The following WDR49 variants were observed in gnomAD, a reference collection of about 807,000 sequenced individuals.
WDR49 encodes the protein WD repeat domain 49.
A neutral mutation model predicts 119.5 loss-of-function variants in WDR49; 107 were observed. The ratio of observed to expected loss-of-function variants is 0.90; its 90% CI spans 0.77 to 1.05. WDR49 has a LOEUF of 1.05. WDR49 is among the 50% of genes least tolerant of loss of function. WDR49 has a pLI of 0.00. For synonymous variants in WDR49, 425 were observed against 418.8 expected (o/e 1.01, Z -0.18); for missense variants, 1,240 against 1,220.5 (o/e 1.02, Z -0.24).
At chr3:167,599,479 G>A (rs948834243) in intron 7 of WDR49, among the ~76,000 whole-genome samples, 2 of 152,168 alleles carry the variant, frequency 1.3e-5, no homozygotes, top group Admixed American at 1.3e-4. Flanking sequence ...ACCCTTCAGG[G>A]CAGTGGGCTC....
At chr3:167,624,633 T>C (rs1477220092) in intron 3 of WDR49, among the ~76,000 whole-genome samples, 58 of 152,070 alleles carry the variant, frequency 3.8e-4, no homozygotes, top group Admixed American at 3.8e-3. Context: ...TATATTTCAA[T>C]AAACCTATTT....
At position 167,627,126 on chromosome 3, in the gene WDR49, A is replaced by G. The variant is rs1201754536; in HGVS notation, c.332T>C (p.Leu111Pro). 7.9e-7 allele frequency: 1 copy of G among 1,271,078 alleles called. No homozygotes were observed. Among genetic ancestry groups the G allele is most frequent in the South Asian group, 3.2e-5 (1 of 30,968 alleles). The allele number at this position is 1,271,078 out of a possible 1,614,324, so 78.7% of individuals were successfully genotyped here. A position where few individuals can be genotyped will look rare whatever the true frequency, so the allele number is the denominator to read the frequency against. ...TTCATCTTGCTCATAAAGCTCTAGC[A>G]GTATAAATGAAGTCAGCTTGTCCCA... ...INWDKLTSFI[L>P]LELYEQDERA... is the part of the protein sequence containing the mutation. Residue 111 changes from leucine to proline, a missense_variant, in exon 3 of 19, where the codon CTG becomes CCG. By Grantham distance (98) the Leu-to-Pro change is moderately conservative (BLOSUM62 -3). Coordinates refer to ENST00000682715, the MANE Select transcript of WDR49 (RefSeq NM_001366157.1).
rs549096543 is a variant in WDR49, at chr3:167,509,686, C to T, written c.2775-4270G>A. ...TTTATGCCTTTTGACTCAGCAATTC[C>T]TCTCAAAGAATGTATTCTAATTATG... On this transcript the variant is annotated intron_variant, in intron 16 of 18. Transcript: ENST00000682715. Among the ~76,000 whole-genome samples the T allele has an allele frequency of 1.8e-4, 27 of 152,242 alleles. 1 individual carries two copies. In the South Asian group the frequency reaches 5.6e-3, roughly 32 times the overall value.
chr3:167,589,608 C>CTTGCATTAATGT (rs1715003310), intron 7 of WDR49, among the ~76,000 whole-genome samples: 1 of 151,830 alleles, frequency 6.6e-6, no homozygotes, highest in Non-Finnish European at 1.5e-5. Context: ...TCTTCAATGT[C>CTTGCATTAATGT]TTGCATTAAT....
At position 167,482,407 on chromosome 3, in the gene WDR49, C is replaced by G. The variant is rs954302058; in HGVS notation, c.3032-3411G>C. Among the ~76,000 whole-genome samples, 3 of 151,864 alleles carry G rather than the reference C, an allele frequency of 2.0e-5. No homozygotes were observed. The East Asian group carries it at 5.8e-4, about 29-fold the overall frequency. On this transcript the variant is annotated intron_variant, in intron 18 of 18. Coordinates refer to ENST00000682715, the MANE Select transcript of WDR49 (RefSeq NM_001366157.1). Reference sequence around the variant, plus strand: ...AACTGAGGCCAGGAGTGGTGACTCACGCCTGTAATCCCAACACTTTGGGAG... The same window carrying G: ...AACTGAGGCCAGGAGTGGTGACTCAGGCCTGTAATCCCAACACTTTGGGAG...
chr3:167,602,536 T>C (rs570634589), intron 6 of WDR49, among the ~76,000 whole-genome samples: 1 of 152,004 alleles, frequency 6.6e-6, no homozygotes, highest in Non-Finnish European at 1.5e-5. Context: ...AAAGAAAACA[T>C]ATAGTCCCAT....
intron 7 of WDR49, among the ~76,000 whole-genome samples, chr3:167,576,893 ATG>A (rs976959736): frequency 1.5e-4 from 23 of 152,144 alleles, no homozygotes; most frequent in Admixed American, 6.5e-5. Flanking sequence ...ATATGTATAT[ATG>A]TGTGTGTAGA....
chr3:167,494,158 T>C (rs1209009517), intron 18 of WDR49, among the ~76,000 whole-genome samples: 1 of 152,150 alleles, frequency 6.6e-6, no homozygotes, highest in Non-Finnish European at 1.5e-5. Context: ...GGCATCATTA[T>C]CCCAATTTTA....
In WDR49 at chr3:167,585,031, T is replaced by A. The variant is rs530884077; in HGVS notation, c.1276-8880A>T. On this transcript the variant is annotated intron_variant, in intron 7 of 18. Transcript: ENST00000682715. ...TAGAGCACACATTTTTAAATTTTGTTTTTTTCATTCAAAAGTTTTAAATAT... is the reference window on the plus strand; with the variant it reads ...TAGAGCACACATTTTTAAATTTTGTATTTTTCATTCAAAAGTTTTAAATAT... Among the ~76,000 whole-genome samples the A allele has an allele frequency of 1.6e-4, 25 of 152,242 alleles. No homozygotes were observed. The South Asian group carries it at 4.8e-3, about 29-fold the overall frequency.
chr3:167,513,983 G>A (rs1407497918), intron 16 of WDR49, among the ~76,000 whole-genome samples: 1 of 152,178 alleles, frequency 6.6e-6, no homozygotes, highest in African/African-American at 2.4e-5. Flanking sequence ...GACCTGCAAA[G>A]AGACTTAGAC....
chr3:167,516,356 T>TTTTTGTCCTTG (rs1197382285), intron 16 of WDR49, among the ~76,000 whole-genome samples: 73 of 151,554 alleles, frequency 4.8e-4, no homozygotes, highest in African/African-American at 1.7e-3. Flanking sequence ...GGTGTTTGGT[T>TTTTTGTCCTTG]TTTTGTCCTT....
At chr3:167,578,055 C>A (rs772770970) in intron 7 of WDR49, among the ~76,000 whole-genome samples, 1 of 152,096 alleles carries the variant, frequency 6.6e-6, no homozygotes, top group Non-Finnish European at 1.5e-5. Flanking sequence ...CTTCTTCTAC[C>A]TTTTCATTCT....
rs1370608064 is a variant in WDR49 at position 167,528,025 on chromosome 3, AAAAG to A, written c.2407-12_2407-9del. On this transcript the variant is annotated splice_polypyrimidine_tract_variant and intron_variant, in intron 14 of 18. Coordinates refer to ENST00000682715, the MANE Select transcript of WDR49 (RefSeq NM_001366157.1). Reference sequence around the variant, plus strand: ...GGAGTTAAGACAGTACTCCTGAATGAAAAGAAATACCAGAACTCTAAAAAATTCA... The same window carrying A: ...GGAGTTAAGACAGTACTCCTGAATGAAAATACCAGAACTCTAAAAAATTCA... The A allele has an allele frequency of 6.2e-7, 1 of 1,607,190 alleles. No homozygotes were observed. Among genetic ancestry groups the A allele is most frequent in the Non-Finnish European group, 8.5e-7 (1 of 1,175,850 alleles).
chr3:167,516,572 G>A (rs960831999), intron 16 of WDR49, among the ~76,000 whole-genome samples: 2 of 152,112 alleles, frequency 1.3e-5, no homozygotes, highest in African/African-American at 2.4e-5. Flanking sequence ...GTGTGCATGT[G>A]TCTTTATAGC....
chr3:167,496,059 C>G (rs1404939350), intron 18 of WDR49, among the ~76,000 whole-genome samples: 2 of 151,966 alleles, frequency 1.3e-5, no homozygotes, highest in Non-Finnish European at 2.9e-5. Context: ...GAAAATTCTT[C>G]AGACTGAAGG....
At chr3:167,482,606 G>C (rs1310542734) in intron 18 of WDR49, among the ~76,000 whole-genome samples, 2 of 151,334 alleles carry the variant, frequency 1.3e-5, no homozygotes, top group Non-Finnish European at 2.9e-5. Flanking sequence ...GTGAACCCGG[G>C]AGGCAGAGCT....
chr3:167,528,130 T>A, intron 14 of WDR49, 113 bp from the exon 15 acceptor site: 1 of 800,866 alleles, frequency 1.2e-6, no homozygotes, highest in South Asian at 2.4e-5. Flanking sequence ...TAACCTATGA[T>A]CCAAATGCAA....
intron 3 of WDR49, among the ~76,000 whole-genome samples, chr3:167,626,472 G>A (rs946728408): frequency 6.6e-6 from 1 of 152,000 alleles, no homozygotes; most frequent in African/African-American, 2.4e-5. Flanking sequence ...CTATCTATTA[G>A]AATGAAGACA....
At chr3:167,581,057 A>G (rs1159706430) in intron 7 of WDR49, among the ~76,000 whole-genome samples, 1 of 152,164 alleles carries the variant, frequency 6.6e-6, no homozygotes, top group African/African-American at 2.4e-5. Flanking sequence ...AGTCAAGTCC[A>G]TGAACGGGCA....
Sources: allele counts gnomAD v4.1 joint callset (sites outside exome capture counted in the v4.1 genomes callset), GRCh38; gene constraint gnomAD v4.1.1; transcripts MANE v1.5; gene names NCBI Gene and HGNC (gene_info 2026-07-23, HGNC 2026-07-21).